PREX1: variants seen among roughly 807,000 people sequenced by gnomAD.
PREX1 encodes the protein phosphatidylinositol-3,4,5-trisphosphate dependent Rac exchange factor 1, also known as phosphatidylinositol 3,4,5-trisphosphate-dependent Rac exchanger 1 protein.
Under a neutral mutation model 198.3 loss-of-function variants are expected in PREX1, and 41 were observed. The ratio of observed to expected loss-of-function variants is 0.21; its 90% CI spans 0.16 to 0.27. The LOEUF is 0.27. PREX1 is among the 10% of genes least tolerant of loss of function. The pLI, the probability that PREX1 is intolerant of heterozygous loss-of-function variation, is 1.00. For missense variants in PREX1, 1,620 were observed against 2,200.7 expected, an observed-to-expected ratio of 0.74 and a Z score of 5.28; for synonymous variants, 843 against 887.2, an observed-to-expected ratio of 0.95 and a Z score of 0.89.
the PREX1 span, among the ~76,000 whole-genome samples, chr20:48,866,525 G>C: frequency 2.0e-5 from 3 of 152,192 alleles, no homozygotes; most frequent in African/African-American, 7.2e-5. Context: ...CAGTCATAGA[G>C]GACACCAAAG....
the PREX1 span, among the ~76,000 whole-genome samples, chr20:48,875,003 CT>C: frequency 6.6e-6 from 1 of 152,166 alleles, no homozygotes; most frequent in Non-Finnish European, 1.5e-5. Flanking sequence ...CAGCCAGAAG[CT>C]AGTATCCCTG....
chr20:48,812,617 C>T (rs1444505485), intron 1 of PREX1, among the ~76,000 whole-genome samples: 1 of 152,114 alleles, frequency 6.6e-6, no homozygotes, highest in Non-Finnish European at 1.5e-5. Flanking sequence ...CTATGTACCT[C>T]GCATTGTTCT....
intron 19 of PREX1, 111 bp from the exon 20 acceptor site, chr20:48,653,608 A>G: frequency 7.3e-7 from 1 of 1,369,348 alleles, no homozygotes; most frequent in Non-Finnish European, 9.9e-7. Flanking sequence ...CAAGGACTCC[A>G]CCTCCACCCC....
At chr20:48,715,512 C>T (rs2089958055) in intron 5 of PREX1, among the ~76,000 whole-genome samples, 1 of 152,160 alleles carries the variant, frequency 6.6e-6, no homozygotes, top group Non-Finnish European at 1.5e-5. Flanking sequence ...ACTTCGCCTC[C>T]ACCACATCTC....
chr20:48,761,263 A>C (rs1568854251), intron 1 of PREX1, among the ~76,000 whole-genome samples: 1 of 152,200 alleles, frequency 6.6e-6, no homozygotes, highest in Non-Finnish European at 1.5e-5. Context: ...TTTTCCTCAC[A>C]GCACCTGTCA....
At position 48,666,006 on chromosome 20, in the gene PREX1, C is replaced by T. The variant is rs1410163200; in HGVS notation, c.1738+277G>A. Among the ~76,000 whole-genome samples, 2 of 152,338 alleles carry T rather than the reference C, an allele frequency of 1.3e-5. No homozygotes were observed. Among genetic ancestry groups the T allele is most frequent in the South Asian group, 4.1e-4 (2 of 4,826 alleles). ...TGGCCTTGCTGCCTACCCTGGAAGGCCACATCCCCCCCAGGAAGAAGGGCA... is the reference window on the plus strand; with the variant it reads ...TGGCCTTGCTGCCTACCCTGGAAGGTCACATCCCCCCCAGGAAGAAGGGCA... On this transcript the variant is annotated intron_variant, in intron 15 of 39. Coordinates refer to ENST00000371941, the MANE Select transcript of PREX1 (RefSeq NM_020820.4). This position sits in a 1 kb window ranked among gnomAD's most constrained non-coding sequence, Gnocchi z 4.3.
chr20:48,857,981 G>A, the PREX1 span, among the ~76,000 whole-genome samples: 1 of 152,254 alleles, frequency 6.6e-6, no homozygotes, highest in Non-Finnish European at 1.5e-5. Flanking sequence ...CAGCAAAAAG[G>A]AAAGTCCAGT....
Position 48,827,754 on chromosome 20 carries a change from G to A in PREX1, c.107C>T (p.Pro36Leu), listed in dbSNP as rs1212254165. 3.3e-6 allele frequency: 4 copies of A among 1,225,630 alleles called. No individual in the cohort carries two copies. Among genetic ancestry groups the A allele is most frequent in the East Asian group, 3.5e-5 (1 of 28,744 alleles). 75.9% of individuals were successfully genotyped at this position (1,225,630 alleles called of 1,614,324 possible). ...GAAAPSSGPG[P>L]CAAARESERQ... ...CTCGGACTCCCGGGCGGCCGCGCAC[G>A]GGCCGGGGCCGGAGCTGGGCGCCGC... Residue 36 changes from proline to leucine, a missense_variant, in exon 1 of 40, where the codon CCG (proline) becomes CTG (leucine). This residue lies in a region of PREX1 where 96 missense variants were observed against 98.7 expected (regional missense o/e 0.97). Coordinates refer to ENST00000371941, the MANE Select transcript of PREX1 (RefSeq NM_020820.4). This position sits in a 1 kb window ranked among gnomAD's most constrained non-coding sequence, Gnocchi z 4.1.
chr20:48,738,660 G>A (rs1361132511), intron 3 of PREX1, among the ~76,000 whole-genome samples: 1 of 152,198 alleles, frequency 6.6e-6, no homozygotes, highest in Non-Finnish European at 1.5e-5. Context: ...TGGTGGGTAC[G>A]GAACATGTGG....
intron 36 of PREX1, 89 bp downstream of exon 36, chr20:48,630,639 G>C (rs565373336): frequency 8.3e-7 from 1 of 1,207,898 alleles, no homozygotes; most frequent in African/African-American, 1.5e-5. Context: ...ATCTGCTGGG[G>C]CACAACCCTG....
intron 6 of PREX1, 40 bp downstream of exon 6, chr20:48,708,220 C>T: frequency 6.2e-7 from 1 of 1,604,358 alleles, no homozygotes; most frequent in Non-Finnish European, 8.5e-7. Context: ...ACCTCCTGGC[C>T]CCCTGCGGCC....
At chr20:48,652,743 C>A in intron 20 of PREX1, 37 bp from the exon 21 acceptor site, 4 of 1,593,876 alleles carry the variant, frequency 2.5e-6, no homozygotes, top group Non-Finnish European at 2.6e-6. Flanking sequence ...GCCATGGTGC[C>A]GGCAGGTAGG....
At chr20:48,715,947 G>A (rs1417416175) in intron 5 of PREX1, among the ~76,000 whole-genome samples, 2 of 152,322 alleles carry the variant, frequency 1.3e-5, no homozygotes, top group East Asian at 3.9e-4. Context: ...CAAGGCCACA[G>A]AGACAGAAAG....
intron 5 of PREX1, among the ~76,000 whole-genome samples, chr20:48,725,106 T>A (rs1355693362): frequency 6.6e-6 from 1 of 152,176 alleles, no homozygotes; most frequent in Admixed American, 6.5e-5. Flanking sequence ...GGCTCCAGCA[T>A]CACCCACCTT....
At position 48,629,498 on chromosome 20, in the gene PREX1, A is replaced by G; in HGVS notation, c.4717T>C (p.Tyr1573His). 6.2e-7 allele frequency: 1 copy of G among 1,614,074 alleles called. No individual in the cohort carries two copies. The highest frequency in any genetic ancestry group is 8.5e-7 in the Non-Finnish European group (1 of 1,179,926). ...ACCATCTGGCAGGCCCCCAGGCGGT[A>G]GCAGAGCTCCGAGGAGATGGGGATG... ...GLIPISSELC[Y>H]RLGACQMVMC... The change falls in exon 37 of 40, where the codon TAC becomes CAC. Residue 1573 changes from tyrosine (Y) to histidine (H), a missense_variant. Coordinates refer to ENST00000371941, the MANE Select transcript of PREX1 (RefSeq NM_020820.4).
intron 2 of PREX1, among the ~76,000 whole-genome samples, chr20:48,747,402 GC>G (rs1237137990): frequency 6.6e-6 from 1 of 152,250 alleles, no homozygotes; most frequent in African/African-American, 2.4e-5. Flanking sequence ...GACACTGGAT[GC>G]CCAGGGCGGG....
intron 1 of PREX1, among the ~76,000 whole-genome samples, chr20:48,754,009 C>G (rs996854621): frequency 6.6e-6 from 1 of 152,208 alleles, no homozygotes; most frequent in African/African-American, 2.4e-5. Flanking sequence ...CCTTGGCCGT[C>G]TACGCAGCGC....
At chr20:48,754,807 T>C (rs1315600976) in intron 1 of PREX1, among the ~76,000 whole-genome samples, 1 of 151,638 alleles carries the variant, frequency 6.6e-6, no homozygotes, top group African/African-American at 2.4e-5. Flanking sequence ...GGAAGCACAG[T>C]GTCATGGAAC....
chr20:48,755,377 A>G (rs2090151864), intron 1 of PREX1, among the ~76,000 whole-genome samples: 1 of 152,220 alleles, frequency 6.6e-6, no homozygotes, highest in Non-Finnish European at 1.5e-5. Flanking sequence ...TTAGAAACAG[A>G]ACTCCAGATT....
Sources: gnomAD v4.1 joint callset for allele counts (sites outside exome capture counted in the v4.1 genomes callset) on GRCh38, gnomAD v4.1.1 for gene constraint, gnomAD v4.1.1 regional missense constraint, Gnocchi (gnomAD v3.1) non-coding constraint, MANE v1.5 for transcripts, NCBI Gene and HGNC (gene_info 2026-07-23, HGNC 2026-07-21) for gene names.